MOGAT2: variants seen among roughly 807,000 people sequenced by gnomAD.
The protein encoded by MOGAT2 is 2-acylglycerol O-acyltransferase 2.
Under a neutral mutation model 31.5 loss-of-function variants are expected in MOGAT2, and 27 were observed. The ratio of observed to expected loss-of-function variants is 0.86; its 90% CI spans 0.63 to 1.18. The LOEUF is 1.18. Ranked by LOEUF, MOGAT2 falls within the 50% of genes most tolerant of loss-of-function variation. The pLI is 0.00. For synonymous variants in MOGAT2, 163 were observed against 170.0 expected, an observed-to-expected ratio of 0.96 and a Z score of 0.32; for missense variants, 436 against 433.2, an observed-to-expected ratio of 1.01 and a Z score of -0.06.
At chr11:75,720,647 G>A (rs1376773756) in intron 2 of MOGAT2, among the ~76,000 whole-genome samples, 2 of 152,174 alleles carry the variant, frequency 1.3e-5, no homozygotes, top group African/African-American at 4.8e-5. Flanking sequence ...TACACTGACT[G>A]TGGGCAAAGG....
chr11:75,727,686 G>A (rs372789458), intron 3 of MOGAT2, 47 bp downstream of exon 3: 311 of 1,562,266 alleles, frequency 2.0e-4, no homozygotes, highest in Middle Eastern at 3.4e-4. Flanking sequence ...ACAAATTTTC[G>A]GAAGGGTTGC....
rs1168586854 is a variant in MOGAT2, at chr11:75,727,572, C to T, written c.408C>T (p.Arg136=). 1 of 1,614,058 alleles carries T rather than the reference C, an allele frequency of 6.2e-7. No individual in the cohort carries two copies. Among genetic ancestry groups the T allele is most frequent in the Admixed American group, 1.7e-5 (1 of 60,008 alleles). Residue 136 remains arginine, a synonymous_variant, in exon 3 of 6, where the codon CGC becomes CGT. Coordinates refer to ENST00000198801, the MANE Select transcript of MOGAT2 (RefSeq NM_025098.4). ...TGFSSIFPGI[R]PHLMMLTLWF... is the part of the protein sequence containing the mutation. ...TCTCTTCGATCTTCCCCGGTATCCG[C>T]CCCCATCTGATGATGCTGACCTTGT...
intron 1 of MOGAT2, 127 bp from the exon 2 acceptor site, chr11:75,719,865 C>T (rs954456613): frequency 1.5e-5 from 14 of 925,838 alleles, no homozygotes; most frequent in African/African-American, 4.9e-5. Context: ...CTGTCTTCCT[C>T]CTGGGCCCGA....
In MOGAT2 at chr11:75,731,297, C is replaced by T; in HGVS notation, c.*11C>T. ...TTGGAGTTCTGCTGAGCCCAAAGGG[C>T]AGGGCCAACATTAGGGAGCCCAGCA... is the stretch of plus-strand genomic sequence containing the variant. On this transcript the variant is annotated 3_prime_UTR_variant, in exon 6 of 6. Transcript: ENST00000198801. 1.2e-6 allele frequency: 2 copies of T among 1,612,922 alleles called. No homozygotes were observed. The highest frequency in any genetic ancestry group is 8.5e-7 in the Non-Finnish European group (1 of 1,179,348).
At chr11:75,719,942 T>C in intron 1 of MOGAT2, 50 bp from the exon 2 acceptor site, 2 of 1,581,966 alleles carry the variant, frequency 1.3e-6, no homozygotes, top group Non-Finnish European at 1.7e-6. Flanking sequence ...CAATCTCACC[T>C]GCCTTCCTCT....
intron 4 of MOGAT2, 162 bp from the exon 5 acceptor site, chr11:75,728,628 T>A (rs1184466923): frequency 3.1e-6 from 2 of 637,148 alleles, no homozygotes; most frequent in Non-Finnish European, 5.5e-6. Flanking sequence ...AGAATGGGGC[T>A]GTGAAGGTCT....
intron 1 of MOGAT2, chr11:75,719,540 G>C (rs776243860): frequency 6.4e-6 from 1 of 156,246 alleles, no homozygotes; most frequent in African/African-American, 2.4e-5. Flanking sequence ...TTATCTCTGG[G>C]AAAATGGGGC....
Position 75,731,302 on chromosome 11 carries a change from C to T in MOGAT2, c.*16C>T, listed in dbSNP as rs373529975. 1 of 1,612,526 alleles carries T rather than the reference C, an allele frequency of 6.2e-7. No individual in the cohort carries two copies. The highest frequency in any genetic ancestry group is 8.5e-7 in the Non-Finnish European group (1 of 1,179,180). ...GTTCTGCTGAGCCCAAAGGGCAGGG[C>T]CAACATTAGGGAGCCCAGCAGGAGG... On this transcript the variant is annotated 3_prime_UTR_variant, in exon 6 of 6. Transcript: ENST00000198801.
intron 4 of MOGAT2, chr11:75,728,407 A>G: frequency 1.6e-6 from 1 of 612,394 alleles, no homozygotes; most frequent in Non-Finnish European, 2.9e-6. Context: ...TGGTATCTAG[A>G]AGAGTGATAT....
intron 5 of MOGAT2, 138 bp from the exon 6 acceptor site, chr11:75,730,994 C>G: frequency 1.8e-6 from 1 of 559,194 alleles, no homozygotes. Flanking sequence ...TTGGAGTTGC[C>G]CTAATATCTT....
At position 75,731,172 on chromosome 11, in the gene MOGAT2, G is replaced by A. The variant is rs369041843; in HGVS notation, c.891G>A (p.Ser297=). 20 of 1,613,910 alleles carry A rather than the reference G, an allele frequency of 1.2e-5. No individual in the cohort carries two copies. The highest frequency in any genetic ancestry group is 2.2e-5 in the South Asian group (2 of 91,082). The change falls in exon 6 of 6, where the codon TCG becomes TCA. Residue 297 remains serine (S), a synonymous_variant. Coordinates refer to ENST00000198801, the MANE Select transcript of MOGAT2 (RefSeq NM_025098.4). The stretch of plus-strand genomic sequence containing the variant: ...AGGTACAGAAGACGCTGCATCCCTC[G>A]GAGGAGGAGGTGAACCAGCTGCACC... ...PIEVQKTLHP[S]EEEVNQLHQR...
At chr11:75,727,898 T>C (rs1002359967) in intron 3 of MOGAT2, 72 bp from the exon 4 acceptor site, 1 of 1,455,870 alleles carries the variant, frequency 6.9e-7, no homozygotes. Context: ...GGTGATCTCT[T>C]TATGGGCTAC....
chr11:75,730,675 T>C (rs112314768), intron 5 of MOGAT2, among the ~76,000 whole-genome samples: 9,523 of 149,960 alleles, frequency 0.064, 948 homozygotes, highest in African/African-American at 0.21. Flanking sequence ...CTTTGGGAGG[T>C]CGAGACGGGC....
Position 75,728,930 on chromosome 11 carries a change from G to T in MOGAT2, c.791G>T (p.Arg264Leu), listed in dbSNP as rs778612784. ...ATCTCCCTCCCACTCTTTCATGGCCGTGGTGTCTTCCAGTACAGCTTTGGT... is the reference window on the plus strand; with the variant it reads ...ATCTCCCTCCCACTCTTTCATGGCCTTGGTGTCTTCCAGTACAGCTTTGGT... ...MGISLPLFHG[R>L]GVFQYSFGLI... The change falls in exon 5 of 6, where the codon CGT becomes CTT. Residue 264 changes from arginine (R) to leucine (L), a missense_variant. Coordinates refer to ENST00000198801, the MANE Select transcript of MOGAT2 (RefSeq NM_025098.4). The T allele has an allele frequency of 6.2e-7, 1 of 1,614,148 alleles. No homozygotes were observed. The highest frequency in any genetic ancestry group is 1.3e-5 in the African/African-American group (1 of 75,028).
At chr11:75,724,143 A>G (rs1356955801) in intron 2 of MOGAT2, among the ~76,000 whole-genome samples, 4 of 152,162 alleles carry the variant, frequency 2.6e-5, no homozygotes, top group Non-Finnish European at 1.5e-5. Context: ...TTTTCCCACT[A>G]GTGGAACCCT....
rs543037592 is a variant in MOGAT2, at chr11:75,729,740, C to CTTTTTTTTTTTT, written c.850+752_850+763dup. ...AATGCCAGAGAAGGAGGGTTTAATT[C>CTTTTTTTTTTTT]TTTTTTTTTTTTGTTTTTTTTTGAG... On this transcript the variant is annotated intron_variant, in intron 5 of 5. Coordinates refer to ENST00000198801, the MANE Select transcript of MOGAT2 (RefSeq NM_025098.4). Among the ~76,000 whole-genome samples the CTTTTTTTTTTTT allele has an allele frequency of 2.5e-5, 3 of 121,402 alleles. 1 individual carries two copies. Among genetic ancestry groups the CTTTTTTTTTTTT allele is most frequent in the Non-Finnish European group, 1.6e-5 (1 of 61,640 alleles). The allele number at this position is 121,402 out of a possible 152,430, so 79.6% of individuals were successfully genotyped here.
chr11:75,726,167 C>T lies in MOGAT2; in HGVS notation c.271-1268C>T, dbSNP rs913468974. On this transcript the variant is annotated intron_variant, in intron 2 of 5. Coordinates refer to ENST00000198801, the MANE Select transcript of MOGAT2 (RefSeq NM_025098.4). ...CGTTGGATGCTGCTACACTCTCATGCTGCAGGCCTGGCCAGACCCAGGCAA... is the reference window on the plus strand; with the variant it reads ...CGTTGGATGCTGCTACACTCTCATGTTGCAGGCCTGGCCAGACCCAGGCAA... Among the ~76,000 whole-genome samples, 17 of 152,238 alleles carry T rather than the reference C, an allele frequency of 1.1e-4. 1 individual carries two copies. The highest frequency in any genetic ancestry group is 1.1e-3 in the Admixed American group (17 of 15,284).
In MOGAT2 at chr11:75,728,818, G is replaced by A. The variant is rs769871558; in HGVS notation, c.679G>A (p.Gly227Arg). The A allele has an allele frequency of 2.0e-5, 32 of 1,614,014 alleles. No individual in the cohort carries two copies. Among genetic ancestry groups the A allele is most frequent in the East Asian group, 6.7e-5 (3 of 44,886 alleles). The change falls in exon 5 of 6, where the codon GGG (glycine) becomes AGG (arginine). Residue 227 changes from glycine to arginine, a missense_variant. By Grantham distance (125) the Gly-to-Arg change is moderately radical. Coordinates refer to ENST00000198801, the MANE Select transcript of MOGAT2 (RefSeq NM_025098.4). ...GAPLVPIFSF[G>R]ENDLFDQIPN... ...ACCCCTGGTGCCAATCTTCTCCTTC[G>A]GGGAGAATGACCTATTTGACCAGAT...
chr11:75,729,462 A>G (rs1436733948), intron 5 of MOGAT2, among the ~76,000 whole-genome samples: 1 of 152,082 alleles, frequency 6.6e-6, no homozygotes, highest in Non-Finnish European at 1.5e-5. Context: ...TTTAGTAGAG[A>G]TGGGGTTTCA....
Sources: gnomAD v4.1 joint callset for allele counts (sites outside exome capture counted in the v4.1 genomes callset) on GRCh38, gnomAD v4.1.1 for gene constraint, MANE v1.5 for transcripts, NCBI Gene and HGNC (gene_info 2026-07-23, HGNC 2026-07-21) for gene names.